The following OTUD7A variants were observed in gnomAD, a reference collection of about 807,000 sequenced individuals.
OTUD7A encodes OTU deubiquitinase 7A.
A neutral mutation model predicts 65.7 loss-of-function variants in OTUD7A; 12 were observed. That is an observed-to-expected ratio of 0.18 (90% CI 0.12 to 0.30). The LOEUF (loss-of-function observed/expected upper bound fraction) is 0.30, where lower values mean the gene tolerates loss of function less well. Among genes scored for constraint, OTUD7A ranks in the 10% least tolerant of loss-of-function variants. The pLI, the probability that OTUD7A is intolerant of heterozygous loss-of-function variation, is 1.00. For missense variants in OTUD7A, 1,148 were observed against 1,304.8 expected, an observed-to-expected ratio of 0.88 and a Z score of 1.85; for synonymous variants, 641 against 586.3, an observed-to-expected ratio of 1.09 and a Z score of -1.35.
chr15:31,649,750 C>T (rs1891780059), intron 3 of OTUD7A: 1 of 445,262 alleles, frequency 2.2e-6, no homozygotes, highest in Non-Finnish European at 4.6e-6. Context: ...CCCTCTGTCC[C>T]ACTGGGTGCA....
At chr15:31,753,702 TTATATA>T (rs541921612) in intron 1 of OTUD7A, among the ~76,000 whole-genome samples, 4 of 11,186 alleles carry the variant, frequency 3.6e-4, no homozygotes, top group African/African-American at 4.5e-4. Context: ...TATATATATA[TTATATA>T]TATATATATA....
At chr15:31,700,866 C>A (rs1455517077) in intron 1 of OTUD7A, among the ~76,000 whole-genome samples, 1 of 151,232 alleles carries the variant, frequency 6.6e-6, no homozygotes, top group Non-Finnish European at 1.5e-5. Flanking sequence ...ACTAGAGAAA[C>A]CTGACAGATA....
chr15:31,792,272 G>A (rs986650109), intron 1 of OTUD7A, among the ~76,000 whole-genome samples: 5 of 152,016 alleles, frequency 3.3e-5, no homozygotes, highest in Admixed American at 1.3e-4. Flanking sequence ...GACTACATTC[G>A]ATTCTCCACA....
At chr15:31,690,140 T>C (rs1196244134) in intron 1 of OTUD7A, among the ~76,000 whole-genome samples, 1 of 152,228 alleles carries the variant, frequency 6.6e-6, no homozygotes, top group Non-Finnish European at 1.5e-5. Context: ...TCTCTTCCTC[T>C]GATACCTGCT....
At chr15:31,770,352 T>G (rs1367530704) in intron 1 of OTUD7A, among the ~76,000 whole-genome samples, 2 of 152,146 alleles carry the variant, frequency 1.3e-5, no homozygotes, top group East Asian at 3.8e-4. Flanking sequence ...ATATACAAAT[T>G]ACCAAAGATT....
At chr15:31,760,699 C>A (rs1329956215) in intron 1 of OTUD7A, among the ~76,000 whole-genome samples, 1 of 152,026 alleles carries the variant, frequency 6.6e-6, no homozygotes, top group Non-Finnish European at 1.5e-5. Flanking sequence ...CAGAAATTGA[C>A]AAGCTGACCC....
chr15:31,522,475 C>A (rs577221794), intron 8 of OTUD7A, among the ~76,000 whole-genome samples: 21 of 152,316 alleles, frequency 1.4e-4, no homozygotes, highest in African/African-American at 5.1e-4. Flanking sequence ...TTCTCAGACA[C>A]CATAATCACG....
At chr15:31,661,210 G>A (rs1892154941) in intron 1 of OTUD7A, among the ~76,000 whole-genome samples, 1 of 152,212 alleles carries the variant, frequency 6.6e-6, no homozygotes, top group African/African-American at 2.4e-5. Flanking sequence ...CTCCTAAAAT[G>A]TATAACTTTG....
chr15:31,521,053 C>T (rs748954819), intron 8 of OTUD7A, among the ~76,000 whole-genome samples: 3 of 152,170 alleles, frequency 2.0e-5, no homozygotes, highest in Non-Finnish European at 1.5e-5. Flanking sequence ...TGCATGTTCT[C>T]ACTTATAGCT....
chr15:31,570,231 G>A (rs374874025), intron 3 of OTUD7A, 34 bp from the exon 4 acceptor site: 169 of 1,604,918 alleles, frequency 1.1e-4, no homozygotes, highest in Middle Eastern at 1.7e-4. Context: ...GTGACAATAC[G>A]AACGCATGAA....
chr15:31,695,996 C>T (rs1424288935), intron 1 of OTUD7A, among the ~76,000 whole-genome samples: 4 of 152,250 alleles, frequency 2.6e-5, no homozygotes, highest in African/African-American at 7.2e-5. Context: ...TGTCCTTCTA[C>T]TGCCCCACGG....
chr15:31,620,439 T>A (rs1890743128), intron 3 of OTUD7A, among the ~76,000 whole-genome samples: 1 of 152,068 alleles, frequency 6.6e-6, no homozygotes, highest in Non-Finnish European at 1.5e-5. Context: ...TTGCCTCAAT[T>A]TCAGAGACTG....
At chr15:31,581,669 T>A (rs1301007172) in intron 3 of OTUD7A, among the ~76,000 whole-genome samples, 1 of 152,218 alleles carries the variant, frequency 6.6e-6, no homozygotes, top group East Asian at 1.9e-4. Flanking sequence ...GGGCCCTTTT[T>A]AGCCATGGCT....
At chr15:31,651,401 A>G (rs561461607) in intron 3 of OTUD7A, among the ~76,000 whole-genome samples, 40 of 152,170 alleles carry the variant, frequency 2.6e-4, no homozygotes, top group African/African-American at 8.7e-4. Flanking sequence ...GTTCTCAGAG[A>G]TTAAGAACAA....
chr15:31,562,615 C>T (rs563113606), intron 4 of OTUD7A, among the ~76,000 whole-genome samples: 11 of 152,072 alleles, frequency 7.2e-5, no homozygotes, highest in African/African-American at 1.2e-4. Flanking sequence ...AAACAACTTC[C>T]ACCTTCATGA....
intron 1 of OTUD7A, among the ~76,000 whole-genome samples, chr15:31,816,412 T>C (rs369159636): frequency 9.2e-5 from 14 of 152,234 alleles, no homozygotes; most frequent in African/African-American, 3.4e-4. Flanking sequence ...ATCACATGGC[T>C]GGGCACGGTG....
intron 1 of OTUD7A, among the ~76,000 whole-genome samples, chr15:31,778,243 G>A (rs1213731948): frequency 1.3e-5 from 2 of 152,176 alleles, no homozygotes; most frequent in Non-Finnish European, 2.9e-5. Flanking sequence ...AATTCCGGGG[G>A]TCAGCAGGGA....
At chr15:31,795,650 C>T (rs1895931892) in intron 1 of OTUD7A, among the ~76,000 whole-genome samples, 1 of 152,184 alleles carries the variant, frequency 6.6e-6, no homozygotes, top group African/African-American at 2.4e-5. Context: ...AGTACAGTTA[C>T]ACACCCAGCC....
intron 1 of OTUD7A, among the ~76,000 whole-genome samples, chr15:31,682,337 T>C (rs1364657426): frequency 1.3e-5 from 2 of 152,200 alleles, no homozygotes; most frequent in African/African-American, 2.4e-5. Context: ...ATAAATTCAG[T>C]GCAATCCCAG....
Sources: gnomAD v4.1 joint callset for allele counts (sites outside exome capture counted in the v4.1 genomes callset) on GRCh38, gnomAD v4.1.1 for gene constraint, MANE v1.5 for transcripts, NCBI Gene and HGNC (gene_info 2026-07-23, HGNC 2026-07-21) for gene names.